Variants in CDH13 observed in about 807,000 individuals in gnomAD.
CDH13 encodes the protein cadherin-13.
A neutral mutation model predicts 63.8 loss-of-function variants in CDH13; 24 were observed. The ratio of observed to expected loss-of-function variants is 0.38; its 90% confidence interval spans 0.27 to 0.53. The LOEUF is 0.53. Ranked by LOEUF, CDH13 falls within the 20% of genes least tolerant of loss-of-function variation. The pLI is 0.85. For synonymous variants in CDH13, 503 were observed against 355.3 expected (o/e 1.42, Z -4.67); for missense variants, 1,049 against 903.1 (o/e 1.16, Z -2.07).
intron 2 of CDH13, among the ~76,000 whole-genome samples, chr16:82,893,705 T>A (rs2041157435): frequency 6.6e-6 from 1 of 152,208 alleles, no homozygotes; most frequent in Non-Finnish European, 1.5e-5. Context: ...GTTCTACAGC[T>A]GACTTTTAAT....
intron 7 of CDH13, among the ~76,000 whole-genome samples, chr16:83,593,958 C>G (rs1256200159): frequency 4.6e-5 from 7 of 152,150 alleles, no homozygotes; most frequent in Non-Finnish European, 5.9e-5. Flanking sequence ...TGACTTGAGA[C>G]AAGAAGCACT....
intron 3 of CDH13, among the ~76,000 whole-genome samples, chr16:83,107,714 G>A (rs927788346): frequency 6.7e-6 from 1 of 150,048 alleles, no homozygotes. Context: ...CATTTGCGTA[G>A]TGAGTGGAAT....
chr16:83,104,011 G>C (rs1422779531), intron 3 of CDH13, among the ~76,000 whole-genome samples: 3 of 152,208 alleles, frequency 2.0e-5, no homozygotes, highest in African/African-American at 7.2e-5. Flanking sequence ...TAGTTTTTCA[G>C]AGTTTCATTA....
intron 5 of CDH13, among the ~76,000 whole-genome samples, chr16:83,241,443 C>T (rs1449024801): frequency 6.6e-6 from 1 of 152,224 alleles, no homozygotes; most frequent in Non-Finnish European, 1.5e-5. Context: ...TTTATATTCT[C>T]ACCAAGTGTA....
chr16:82,713,859 C>G (rs2032153423), intron 1 of CDH13, among the ~76,000 whole-genome samples: 1 of 149,598 alleles, frequency 6.7e-6, no homozygotes, highest in African/African-American at 2.4e-5. Context: ...TTTAACAGGG[C>G]TATTGTAGGA....
chr16:83,382,571 T>C (rs1237651488), intron 6 of CDH13, among the ~76,000 whole-genome samples: 1 of 152,112 alleles, frequency 6.6e-6, no homozygotes. Context: ...ATAACCACCA[T>C]GCAAACCCAC....
intron 10 of CDH13, among the ~76,000 whole-genome samples, chr16:83,685,724 C>T (rs1244693778): frequency 2.0e-5 from 3 of 152,150 alleles, no homozygotes; most frequent in South Asian, 4.1e-4. Flanking sequence ...GATCCCAAGT[C>T]GAGAAGAAGG....
intron 2 of CDH13, among the ~76,000 whole-genome samples, chr16:82,863,961 C>T (rs2040035561): frequency 6.6e-6 from 1 of 152,144 alleles, no homozygotes; most frequent in African/African-American, 2.4e-5. Flanking sequence ...AACACTACCG[C>T]CATTTACTTT....
chr16:83,733,198 C>G (rs1327270638), intron 10 of CDH13, among the ~76,000 whole-genome samples: 1 of 152,174 alleles, frequency 6.6e-6, no homozygotes, highest in African/African-American at 2.4e-5. Flanking sequence ...TGATTCTGAG[C>G]ACTCAGTGAT....
chr16:82,859,249 A>T (rs1055827144), intron 2 of CDH13: 1 of 152,244 alleles, frequency 6.6e-6, no homozygotes, highest in African/African-American at 2.4e-5. Flanking sequence ...AGAATATGGA[A>T]ACAACTGATC....
chr16:82,896,736 A>C (rs1001942852), intron 2 of CDH13, among the ~76,000 whole-genome samples: 1 of 140,740 alleles, frequency 7.1e-6, no homozygotes, highest in Non-Finnish European at 1.5e-5. Flanking sequence ...AGAAAGAAAG[A>C]TTGAGTGGAA....
intron 5 of CDH13, among the ~76,000 whole-genome samples, chr16:83,267,275 C>A (rs112573402): frequency 6.6e-6 from 1 of 152,130 alleles, no homozygotes; most frequent in Non-Finnish European, 1.5e-5. Context: ...TCCCCACCTC[C>A]GCAGCATCAG....
At chr16:83,445,289 G>GATTTTATAATTTATAAAAGC (rs1208438269) in intron 6 of CDH13, among the ~76,000 whole-genome samples, 1 of 123,662 alleles carries the variant, frequency 8.1e-6, no homozygotes. Flanking sequence ...TTTATAAAAG[G>GATTTTATAATTTATAAAAGC]TTTTATAAAT....
At chr16:83,513,341 A>G (rs1005131615) in intron 7 of CDH13, among the ~76,000 whole-genome samples, 3 of 152,192 alleles carry the variant, frequency 2.0e-5, no homozygotes, top group African/African-American at 4.8e-5. Flanking sequence ...TCTCCAAAAT[A>G]TTAGAACGTC....
chr16:82,844,161 A>G (rs1227590957), intron 1 of CDH13, among the ~76,000 whole-genome samples: 1 of 152,198 alleles, frequency 6.6e-6, no homozygotes, highest in Admixed American at 6.5e-5. Flanking sequence ...AGGAGGAGCC[A>G]GAGTTAGAAA....
At chr16:83,497,799 A>T (rs1453205168) in intron 7 of CDH13, among the ~76,000 whole-genome samples, 1 of 152,230 alleles carries the variant, frequency 6.6e-6, no homozygotes, top group Non-Finnish European at 1.5e-5. Flanking sequence ...ATGCTCAGAT[A>T]GGAGCAGTTT....
chr16:83,539,010 C>A (rs12927834), intron 7 of CDH13, among the ~76,000 whole-genome samples: 1 of 151,596 alleles, frequency 6.6e-6, no homozygotes, highest in Non-Finnish European at 1.5e-5. Flanking sequence ...TTTATTAAAC[C>A]AAGATTCATT....
chr16:83,550,954 C>A (rs2075478873), intron 7 of CDH13, among the ~76,000 whole-genome samples: 1 of 152,168 alleles, frequency 6.6e-6, no homozygotes, highest in African/African-American at 2.4e-5. Context: ...TCTAACATTT[C>A]TCCCTTGTCT....
intron 6 of CDH13, among the ~76,000 whole-genome samples, chr16:83,379,942 G>T (rs377220885): frequency 0.049 from 5,027 of 102,378 alleles, 108 homozygotes; most frequent in African/African-American, 0.098. Context: ...TATATATAGA[G>T]AGAGAGAGAG....
Sources: allele counts gnomAD v4.1 joint callset (sites outside exome capture counted in the v4.1 genomes callset), GRCh38; gene constraint gnomAD v4.1.1; transcripts MANE v1.5; gene names NCBI Gene and HGNC (gene_info 2026-07-23, HGNC 2026-07-21).